Variants in MEMO1 observed in about 807,000 individuals in gnomAD.
MEMO1 encodes the protein mediator of cell motility 1.
Under a neutral mutation model 45.2 loss-of-function variants are expected in MEMO1, and 6 were observed. The ratio of observed to expected loss-of-function variants is 0.13; its 90% CI spans 0.07 to 0.26. The LOEUF is 0.26. Ranked by LOEUF, MEMO1 falls within the 10% of genes least tolerant of loss-of-function variation. The pLI is 1.00. For missense variants in MEMO1, 184 were observed against 370.5 expected, an observed-to-expected ratio of 0.50 and a Z score of 4.13; for synonymous variants, 78 against 124.3, an observed-to-expected ratio of 0.63 and a Z score of 2.48.
intron 2 of MEMO1, among the ~76,000 whole-genome samples, chr2:31,955,254 T>C (rs1012383626): frequency 6.6e-6 from 1 of 152,178 alleles, no homozygotes; most frequent in African/African-American, 2.4e-5. Flanking sequence ...AGGAGTTTAT[T>C]TGCACATGCT....
At chr2:31,970,660 C>T (rs1190596531) in intron 2 of MEMO1, among the ~76,000 whole-genome samples, 1 of 151,294 alleles carries the variant, frequency 6.6e-6, no homozygotes, top group East Asian at 1.9e-4. Flanking sequence ...CAAATGCATA[C>T]ACAAAACACT....
intron 8 of MEMO1, among the ~76,000 whole-genome samples, chr2:31,871,163 T>C (rs1469847878): frequency 6.6e-6 from 1 of 152,222 alleles, no homozygotes; most frequent in Non-Finnish European, 1.5e-5. Context: ...ACACCAATTA[T>C]ATTATTTTCT....
intron 2 of MEMO1, among the ~76,000 whole-genome samples, chr2:32,006,388 T>C (rs572846455): frequency 1.7e-4 from 26 of 152,160 alleles, no homozygotes; most frequent in Non-Finnish European, 2.1e-4. Context: ...ACATTTAGAT[T>C]ATGTTGCTGG....
intron 2 of MEMO1, among the ~76,000 whole-genome samples, chr2:31,972,120 C>CT (rs1362322112): frequency 1.3e-5 from 2 of 152,042 alleles, no homozygotes; most frequent in African/African-American, 2.4e-5. Context: ...TGTGAAATAC[C>CT]TTTTTTTATA....
intron 4 of MEMO1, among the ~76,000 whole-genome samples, chr2:31,922,911 T>C (rs1222037733): frequency 6.6e-6 from 1 of 152,144 alleles, no homozygotes; most frequent in Non-Finnish European, 1.5e-5. Context: ...TCTTTACTAT[T>C]GTGAACAGTG....
At chr2:31,923,818 A>C (rs1682688707) in intron 4 of MEMO1, 1 of 1,441,852 alleles carries the variant, frequency 6.9e-7, no homozygotes, top group Non-Finnish European at 9.2e-7. Flanking sequence ...AAGTAAGTGT[A>C]ATAAGGTTCT....
chr2:31,965,070 G>A (rs956683501), intron 2 of MEMO1, among the ~76,000 whole-genome samples: 3 of 152,048 alleles, frequency 2.0e-5, no homozygotes, highest in Non-Finnish European at 2.9e-5. Flanking sequence ...AAAATTAGTC[G>A]GGAGTGGTGG....
In MEMO1 at chr2:31,892,148, GAAA is replaced by G; in HGVS notation, c.438-17_438-15del. The G allele has an allele frequency of 1.7e-6, 2 of 1,177,286 alleles. No homozygotes were observed. The highest frequency in any genetic ancestry group is 1.1e-6 in the Non-Finnish European group (1 of 875,930). The allele number at this position is 1,177,286 out of a possible 1,614,324, so 72.9% of individuals were successfully genotyped here. A position where few individuals can be genotyped will look rare whatever the true frequency, so the allele number is the denominator to read the frequency against. The stretch of plus-strand genomic sequence containing the variant: ...TCATCCTTATGGCTTAAAGAAAACA[GAAA>G]AAAAAAAAATGTCATTTAAGATGCT... On this transcript the variant is annotated splice_polypyrimidine_tract_variant and intron_variant, in intron 6 of 9. Coordinates refer to ENST00000404530, the MANE Select transcript of MEMO1 (RefSeq NM_001301833.4).
chr2:31,964,526 G>A (rs548923294), intron 2 of MEMO1, among the ~76,000 whole-genome samples: 85 of 151,784 alleles, frequency 5.6e-4, no homozygotes, highest in Admixed American at 2.2e-3. Flanking sequence ...GAGAAACCCC[G>A]TCTCTACTAA....
chr2:31,961,616 A>G (rs989860704), intron 2 of MEMO1, among the ~76,000 whole-genome samples: 9 of 148,032 alleles, frequency 6.1e-5, no homozygotes, highest in African/African-American at 2.3e-4. Flanking sequence ...TTTAAAAAAA[A>G]ACAAAAAAAA....
chr2:31,948,629 T>C (rs1666451170), intron 2 of MEMO1, among the ~76,000 whole-genome samples: 1 of 152,236 alleles, frequency 6.6e-6, no homozygotes, highest in Non-Finnish European at 1.5e-5. Flanking sequence ...GAGGGCACAG[T>C]GGCTCACACT....
chr2:32,008,519 G>A (rs1421135695), intron 2 of MEMO1, among the ~76,000 whole-genome samples: 2 of 152,286 alleles, frequency 1.3e-5, no homozygotes, highest in Admixed American at 6.5e-5. Context: ...AGGAGGCGGA[G>A]GTTGCAATGA....
intron 6 of MEMO1, among the ~76,000 whole-genome samples, chr2:31,903,182 C>T (rs759706540): frequency 3.3e-5 from 5 of 152,054 alleles, no homozygotes; most frequent in Admixed American, 6.5e-5. Flanking sequence ...ATAACATTGA[C>T]GAATATGCAA....
At chr2:31,951,730 C>G (rs1666874833) in intron 2 of MEMO1, among the ~76,000 whole-genome samples, 1 of 152,076 alleles carries the variant, frequency 6.6e-6, no homozygotes, top group South Asian at 2.1e-4. Context: ...TGAGGTTTCA[C>G]CATCTTGGCC....
At chr2:31,883,768 T>C (rs939813967) in intron 7 of MEMO1, among the ~76,000 whole-genome samples, 4 of 152,050 alleles carry the variant, frequency 2.6e-5, no homozygotes, top group Non-Finnish European at 5.9e-5. Flanking sequence ...TGTTAAACAT[T>C]TTATCAGTCT....
intron 2 of MEMO1, among the ~76,000 whole-genome samples, chr2:31,988,476 G>A (rs992112573): frequency 6.6e-6 from 1 of 152,134 alleles, no homozygotes; most frequent in Non-Finnish European, 1.5e-5. Context: ...GAACCCAGGA[G>A]GCAGAGGTTG....
intron 6 of MEMO1, among the ~76,000 whole-genome samples, chr2:31,898,224 A>C (rs889289951): frequency 2.0e-5 from 3 of 150,466 alleles, no homozygotes; most frequent in Non-Finnish European, 4.4e-5. Context: ...CTTCAGTTCT[A>C]CTCTGATCTT....
At chr2:31,900,411 T>C (rs1214319464) in intron 6 of MEMO1, among the ~76,000 whole-genome samples, 2 of 152,162 alleles carry the variant, frequency 1.3e-5, no homozygotes, top group Non-Finnish European at 2.9e-5. Flanking sequence ...ACCATCATTG[T>C]CAGCAAACTA....
chr2:31,872,942 C>G (rs1336996223), intron 8 of MEMO1, among the ~76,000 whole-genome samples: 1 of 152,042 alleles, frequency 6.6e-6, no homozygotes, highest in Non-Finnish European at 1.5e-5. Context: ...TTAACTAATA[C>G]AGGATACTGG....
Sources: allele counts gnomAD v4.1 joint callset (sites outside exome capture counted in the v4.1 genomes callset), GRCh38; gene constraint gnomAD v4.1.1; transcripts MANE v1.5; gene names NCBI Gene and HGNC (gene_info 2026-07-23, HGNC 2026-07-21).